LAMB4: variants seen among roughly 807,000 people sequenced by gnomAD.
The protein encoded by LAMB4 is laminin subunit beta 4, also known as laminin subunit beta-4.
LAMB4 carries 196 observed loss-of-function variants against 199.2 expected under a neutral mutation model. The observed-to-expected ratio is 0.98, with a 90% CI of 0.88 to 1.11. The LOEUF (loss-of-function observed/expected upper bound fraction) is 1.11. LAMB4 is among the 50% of genes least tolerant of loss of function. LAMB4 has a pLI of 0.00. For synonymous variants in LAMB4, 744 were observed against 770.6 expected, an observed-to-expected ratio of 0.97 and a Z score of 0.57; for missense variants, 2,080 against 2,171.2, an observed-to-expected ratio of 0.96 and a Z score of 0.83.
chr7:108,043,978 G>A (rs1584617376), intron 28 of LAMB4, 82 bp from the exon 29 acceptor site: 3 of 1,231,670 alleles, frequency 2.4e-6, no homozygotes, highest in South Asian at 2.9e-5. Context: ...TTACTTAGCT[G>A]GACCAAATAA....
chr7:108,068,355 G>A (rs1395700275), intron 18 of LAMB4, among the ~76,000 whole-genome samples, 196 bp from the exon 19 acceptor site: 1 of 152,190 alleles, frequency 6.6e-6, no homozygotes, highest in African/African-American at 2.4e-5. Flanking sequence ...GTTCTGCGAA[G>A]TAGTTAGAAT....
rs754592577 is a variant in LAMB4 at position 108,056,050 on chromosome 7, T to C, written c.3380-43A>G. The C allele has an allele frequency of 2.6e-6, 4 of 1,540,096 alleles. No individual in the cohort carries two copies. In the South Asian group the frequency reaches 5.0e-5, roughly 19 times the overall value. On this transcript the variant is annotated intron_variant, in intron 24 of 33. Coordinates refer to ENST00000388781, the MANE Select transcript of LAMB4 (RefSeq NM_007356.3). ...AGGAGCAGAGAATGTCACTGGGCCT[T>C]TTGTTGATGACTAACTCAAGAATCA...
At chr7:108,104,809 T>C (rs1344302658) in intron 8 of LAMB4, among the ~76,000 whole-genome samples, 190 bp from the exon 9 acceptor site, 1 of 152,188 alleles carries the variant, frequency 6.6e-6, no homozygotes, top group African/African-American at 2.4e-5. Flanking sequence ...ATAAAAATTT[T>C]AAAAGTTCAG....
At chr7:108,087,450 C>T (rs112805196) in intron 14 of LAMB4, among the ~76,000 whole-genome samples, 225 of 152,328 alleles carry the variant, frequency 1.5e-3, no homozygotes, top group African/African-American at 5.1e-3. Flanking sequence ...AGTAAAAAAT[C>T]TCAGTAAAGC....
rs766756139 is a variant in LAMB4, at chr7:108,055,868, A to T, written c.3519T>A (p.Leu1173=). ...RGHSQEFPTC[L]QCHLCFDQWD... ...ACTGATCAAAGCACAAGTGACATTG[A>T]AGACAAGTAGGGAATTCCTGGCTGT... The change falls in exon 25 of 34, where the codon CTT becomes CTA. Residue 1173 remains leucine (L), a synonymous_variant. Coordinates refer to ENST00000388781, the MANE Select transcript of LAMB4 (RefSeq NM_007356.3). 6.2e-7 allele frequency: 1 copy of T among 1,614,180 alleles called. No individual in the cohort carries two copies. The highest frequency in any genetic ancestry group is 1.1e-5 in the South Asian group (1 of 91,074).
At chr7:108,051,622 G>C (rs970442010) in intron 26 of LAMB4, among the ~76,000 whole-genome samples, 5 of 152,080 alleles carry the variant, frequency 3.3e-5, no homozygotes, top group African/African-American at 9.7e-5. Context: ...ATGAGTTAAG[G>C]GTGTGTAGTA....
At chr7:108,025,569 C>T (rs549656497) in intron 33 of LAMB4, among the ~76,000 whole-genome samples, 10 of 151,898 alleles carry the variant, frequency 6.6e-5, no homozygotes, top group Non-Finnish European at 1.5e-4. Context: ...GCTGGGATTA[C>T]AGGCATAGGC....
At chr7:108,101,737 C>T (rs2150642941) in intron 10 of LAMB4, among the ~76,000 whole-genome samples, 1 of 152,258 alleles carries the variant, frequency 6.6e-6, no homozygotes, top group Admixed American at 6.5e-5. Flanking sequence ...GGTACCCACT[C>T]TCAGATTTGT....
intron 14 of LAMB4, among the ~76,000 whole-genome samples, chr7:108,081,239 C>T (rs1467133895): frequency 6.6e-6 from 1 of 152,214 alleles, no homozygotes; most frequent in Non-Finnish European, 1.5e-5. Flanking sequence ...GCTGACAGCT[C>T]ACAGTTGACC....
At chr7:108,066,908 A>G (rs192924544) in intron 19 of LAMB4, among the ~76,000 whole-genome samples, 1 of 151,542 alleles carries the variant, frequency 6.6e-6, no homozygotes, top group East Asian at 1.9e-4. Context: ...TCTAGTATTA[A>G]TATTTTAGTA....
At chr7:108,091,238 T>C (rs2037389938) in intron 14 of LAMB4, among the ~76,000 whole-genome samples, 1 of 152,214 alleles carries the variant, frequency 6.6e-6, no homozygotes, top group East Asian at 1.9e-4. Context: ...AGTGCAACAA[T>C]GATGAATGCT....
intron 14 of LAMB4, among the ~76,000 whole-genome samples, chr7:108,090,790 A>G (rs144392364): frequency 1.2e-3 from 184 of 152,330 alleles, no homozygotes; most frequent in African/African-American, 4.4e-3. Context: ...AAGACCACGA[A>G]GAAGAACCCA....
chr7:108,115,738 T>C (rs1478494804), intron 3 of LAMB4, among the ~76,000 whole-genome samples: 1 of 152,230 alleles, frequency 6.6e-6, no homozygotes, highest in African/African-American at 2.4e-5. Context: ...AGAGATTATT[T>C]AAAGTACATG....
Position 108,095,297 on chromosome 7 carries a change from G to A in LAMB4, c.1401C>T (p.Thr467=), listed in dbSNP as rs950739851. The change falls in exon 12 of 34, where the codon ACC becomes ACT. Residue 467 remains threonine (T), a synonymous_variant. Transcript: ENST00000388781. Reference sequence around the variant, plus strand: ...AGCATTGGCCTGTATCCACATCACAGGTCAAGAATGGCAGACTCCCAAGGG... The same window carrying A: ...AGCATTGGCCTGTATCCACATCACAAGTCAAGAATGGCAGACTCCCAAGGG... ...CNPLGSLPFL[T]CDVDTGQCLC... 8.1e-6 allele frequency: 13 copies of A among 1,613,866 alleles called. No homozygotes were observed. The Admixed American group carries it at 1.3e-4, about 17-fold the overall frequency.
intron 26 of LAMB4, among the ~76,000 whole-genome samples, chr7:108,051,689 T>G (rs1332692120): frequency 2.0e-5 from 3 of 152,204 alleles, no homozygotes; most frequent in African/African-American, 7.2e-5. Context: ...GGGGTTTTTT[T>G]TGCCTCACAT....
chr7:108,034,086 T>C, intron 31 of LAMB4, 122 bp downstream of exon 31: 1 of 952,436 alleles, frequency 1.0e-6, no homozygotes, highest in Non-Finnish European at 1.6e-6. Flanking sequence ...CCAAATCTTA[T>C]TTATCCTCAT....
At chr7:108,012,122 C>T in the LAMB4 span, among the ~76,000 whole-genome samples, 4 of 147,242 alleles carry the variant, frequency 2.7e-5, no homozygotes, top group Admixed American at 6.7e-5. Context: ...GCATAGCAAA[C>T]AACAACATAA....
chr7:108,049,721 G>C (rs1012645166), intron 26 of LAMB4, among the ~76,000 whole-genome samples, 190 bp from the exon 27 acceptor site: 1 of 152,172 alleles, frequency 6.6e-6, no homozygotes, highest in African/African-American at 2.4e-5. Flanking sequence ...AATATGGATA[G>C]AATAGATACA....
chr7:108,088,410 C>T (rs188282790), intron 14 of LAMB4, among the ~76,000 whole-genome samples: 73 of 152,222 alleles, frequency 4.8e-4, no homozygotes, highest in African/African-American at 1.3e-3. Flanking sequence ...GTGACCTGCT[C>T]GCCTCGGCCT....
Sources: allele counts gnomAD v4.1 joint callset (sites outside exome capture counted in the v4.1 genomes callset), GRCh38; gene constraint gnomAD v4.1.1; transcripts MANE v1.5; gene names NCBI Gene and HGNC (gene_info 2026-07-23, HGNC 2026-07-21).